The following IL1RAPL2 variants were observed in gnomAD, a reference collection of about 807,000 sequenced individuals.
IL1RAPL2 encodes the protein X-linked interleukin-1 receptor accessory protein-like 2.
A neutral mutation model predicts 44.1 loss-of-function variants in IL1RAPL2; 3 were observed. That is an observed-to-expected ratio of 0.07 (90% confidence interval 0.03 to 0.18). The LOEUF (loss-of-function observed/expected upper bound fraction) is 0.18, where lower values mean the gene tolerates loss of function less well. IL1RAPL2 is among the 10% of genes least tolerant of loss of function. The pLI, the probability that IL1RAPL2 is intolerant of heterozygous loss-of-function variation, is 1.00. For missense variants in IL1RAPL2, 391 were observed against 496.4 expected, an observed-to-expected ratio of 0.79 and a Z score of 2.02; for synonymous variants, 181 against 178.8, an observed-to-expected ratio of 1.01 and a Z score of -0.10.
At chrX:105,571,176 C>T (rs1260821320) in intron 6 of IL1RAPL2, among the ~76,000 whole-genome samples, 2 of 110,970 alleles carry the variant, frequency 1.8e-5, no homozygotes, top group Non-Finnish European at 3.8e-5. Flanking sequence ...GAAACTGAGA[C>T]CCAGTAAGAA....
intron 2 of IL1RAPL2, among the ~76,000 whole-genome samples, chrX:104,833,780 G>A (rs1921670814): frequency 8.9e-6 from 1 of 112,354 alleles, no homozygotes; most frequent in Admixed American, 9.4e-5. Context: ...CTTATCTACT[G>A]AGGATAAGTG....
intron 2 of IL1RAPL2, among the ~76,000 whole-genome samples, chrX:104,937,783 C>T (rs1925062507): frequency 8.9e-6 from 1 of 112,448 alleles, no homozygotes; most frequent in South Asian, 3.7e-4. Context: ...TGCAGTGTGA[C>T]AGGGTTATGT....
At chrX:105,327,789 A>G (rs1381073386) in intron 5 of IL1RAPL2, among the ~76,000 whole-genome samples, 2 of 111,744 alleles carry the variant, frequency 1.8e-5, no homozygotes, top group African/African-American at 6.5e-5. Context: ...TGGAAACAGC[A>G]TGTAGGTAGA....
At chrX:105,750,613 CT>C (rs1305358390) in intron 9 of IL1RAPL2, among the ~76,000 whole-genome samples, 4 of 109,050 alleles carry the variant, frequency 3.7e-5, no homozygotes, top group African/African-American at 1.3e-4. Context: ...GCGTGAAATG[CT>C]TTTTGATGAG....
chrX:105,225,813 A>G (rs1478667555), intron 3 of IL1RAPL2, among the ~76,000 whole-genome samples: 1 of 109,143 alleles, frequency 9.2e-6, no homozygotes, highest in African/African-American at 3.3e-5. Flanking sequence ...CAGCCTACCA[A>G]GTAGCTGGGA....
chrX:105,697,938 C>T (rs1311617395), intron 6 of IL1RAPL2, among the ~76,000 whole-genome samples: 1 of 111,010 alleles, frequency 9.0e-6, no homozygotes, highest in Non-Finnish European at 1.9e-5. Context: ...TTTAGAGGCC[C>T]TTTTCTATGG....
intron 2 of IL1RAPL2, among the ~76,000 whole-genome samples, chrX:104,721,090 G>A (rs1025156744): frequency 1.8e-5 from 2 of 111,517 alleles, no homozygotes; most frequent in Non-Finnish European, 3.8e-5. Context: ...GGGAATGTAA[G>A]TTAGCTTAAC....
At chrX:105,233,058 C>T (rs1445491587) in intron 3 of IL1RAPL2, among the ~76,000 whole-genome samples, 2 of 111,752 alleles carry the variant, frequency 1.8e-5, no homozygotes, top group East Asian at 2.8e-4. Context: ...CCGAGGCGGG[C>T]GGATCACGAG....
At chrX:104,816,639 GA>G (rs1252148528) in intron 2 of IL1RAPL2, among the ~76,000 whole-genome samples, 1 of 112,215 alleles carries the variant, frequency 8.9e-6, no homozygotes, top group African/African-American at 3.2e-5. Context: ...TGTCGTGATG[GA>G]AAAATGTATG....
intron 5 of IL1RAPL2, among the ~76,000 whole-genome samples, chrX:105,341,706 C>T (rs937835369): frequency 6.3e-5 from 7 of 111,341 alleles, no homozygotes; most frequent in African/African-American, 2.3e-4. Flanking sequence ...CCGAGGCAGG[C>T]GGATCACGAG....
intron 2 of IL1RAPL2, among the ~76,000 whole-genome samples, chrX:104,742,470 A>G (rs1932113911): frequency 1.8e-5 from 2 of 111,702 alleles, no homozygotes; most frequent in Admixed American, 1.9e-4. Context: ...TGAGGCTCTC[A>G]GTCTTTGATT....
chrX:104,882,891 G>T (rs1275191203), intron 2 of IL1RAPL2, among the ~76,000 whole-genome samples: 4 of 111,364 alleles, frequency 3.6e-5, no homozygotes, highest in Non-Finnish European at 7.5e-5. Context: ...CCACTGGGAG[G>T]AACAAACAAC....
Position 104,659,010 on chromosome X carries a change from A to G in IL1RAPL2, c.82+15A>G. 8.7e-7 allele frequency: 1 copy of G among 1,151,303 alleles called. No individual in the cohort carries two copies. Among genetic ancestry groups the G allele is most frequent in the Non-Finnish European group, 1.2e-6 (1 of 842,761 alleles). 94.9% of individuals were successfully genotyped at this position (1,151,303 alleles called of 1,213,427 possible). On this transcript the variant is annotated intron_variant, in intron 2 of 10. Transcript: ENST00000372582. The stretch of plus-strand genomic sequence containing the variant: ...GAGAAATTCTGGTAAGTTGCTGGCA[A>G]CTTGCCACTATTTGGTCAAAAATGT...
intron 2 of IL1RAPL2, among the ~76,000 whole-genome samples, chrX:104,831,382 G>T (rs1921601635): frequency 9.0e-6 from 1 of 111,361 alleles, no homozygotes; most frequent in Non-Finnish European, 1.9e-5. Flanking sequence ...AAGTCCTTTG[G>T]ACATATTAAA....
At chrX:104,595,922 T>A (rs1602635663) in intron 1 of IL1RAPL2, among the ~76,000 whole-genome samples, 1 of 110,405 alleles carries the variant, frequency 9.1e-6, no homozygotes, top group Non-Finnish European at 1.9e-5. Context: ...TTTTTTATTT[T>A]TTTTTTTCAG....
chrX:105,699,785 C>T (rs1409702230), intron 6 of IL1RAPL2, among the ~76,000 whole-genome samples: 1 of 111,146 alleles, frequency 9.0e-6, no homozygotes, highest in Non-Finnish European at 1.9e-5. Flanking sequence ...TGAAACACAC[C>T]CTGAACATAA....
rs1290766601 is a variant in IL1RAPL2 at position 105,385,883 on chromosome X, G to A, written c.698-98430G>A. Among the ~76,000 whole-genome samples the A allele has an allele frequency of 1.1e-4, 12 of 110,823 alleles. No homozygotes were observed. The Admixed American group carries it at 1.2e-3, about 11-fold the overall frequency. On this transcript the variant is annotated intron_variant, in intron 5 of 10. Transcript: ENST00000372582. The stretch of plus-strand genomic sequence containing the variant: ...GGCCATAGAGAGGTATGAAGAGAGA[G>A]GATAGAACGTAGAAGGAGCAAAGGC...
chrX:105,611,312 T>A (rs776441776), intron 6 of IL1RAPL2, among the ~76,000 whole-genome samples: 2 of 111,777 alleles, frequency 1.8e-5, no homozygotes, highest in South Asian at 3.7e-4. Flanking sequence ...ATAATTTTTT[T>A]AATGAATTTA....
chrX:105,534,951 C>G (rs2036667099), intron 6 of IL1RAPL2, among the ~76,000 whole-genome samples: 1 of 111,463 alleles, frequency 9.0e-6, no homozygotes, highest in Non-Finnish European at 1.9e-5. Context: ...ATATTCATGA[C>G]CTGGGAATAG....
Sources: allele counts gnomAD v4.1 joint callset (sites outside exome capture counted in the v4.1 genomes callset), GRCh38; gene constraint gnomAD v4.1.1; transcripts MANE v1.5; gene names NCBI Gene and HGNC (gene_info 2026-07-23, HGNC 2026-07-21).